The following CSMD3 variants were observed in gnomAD, a reference collection of about 807,000 sequenced individuals.
CSMD3 encodes CUB and Sushi multiple domains 3, also known as CUB and sushi domain-containing protein 3.
CSMD3 carries 177 observed loss-of-function variants against 435.2 expected under a neutral mutation model. The observed-to-expected ratio is 0.41, with a 90% CI of 0.36 to 0.46. CSMD3 has a LOEUF of 0.46. CSMD3 is among the 20% of genes least tolerant of loss of function. The pLI is 0.34. For synonymous variants in CSMD3, 1,656 were observed against 1,520.5 expected (o/e 1.09, Z -2.07); for missense variants, 4,265 against 4,504.6 (o/e 0.95, Z 1.52).
chr8:112,573,700 T>C, intron 23 of CSMD3, 43 bp from the exon 24 acceptor site: 1 of 1,409,378 alleles, frequency 7.1e-7, no homozygotes, highest in Non-Finnish European at 1.0e-6. Flanking sequence ...GTGCCAATAA[T>C]AATCAATTCA....
At chr8:113,388,274 G>C (rs1338322994) in intron 1 of CSMD3, among the ~76,000 whole-genome samples, 1 of 151,452 alleles carries the variant, frequency 6.6e-6, no homozygotes, top group Non-Finnish European at 1.5e-5. Context: ...TCAGCATGAA[G>C]TAAAAAGTGG....
rs942663368 is a variant in CSMD3, at chr8:112,374,748, G to A, written c.6136+5604C>T. Among the ~76,000 whole-genome samples the A allele has an allele frequency of 2.0e-5, 3 of 152,112 alleles. No homozygotes were observed. The East Asian group carries it at 5.8e-4, about 29-fold the overall frequency. On this transcript the variant is annotated intron_variant, in intron 38 of 70. Coordinates refer to ENST00000297405, the MANE Select transcript of CSMD3 (RefSeq NM_198123.2). ...CAACACAATGCTTTAAAAAGTTGCT[G>A]ATTATAATATCGTCTTCTAATAGGT...
At position 112,538,209 on chromosome 8, in the gene CSMD3, G is replaced by C. The variant is rs575146477; in HGVS notation, c.4564+12462C>G. Among the ~76,000 whole-genome samples the C allele has an allele frequency of 5.9e-5, 9 of 152,018 alleles. No individual in the cohort carries two copies. The South Asian group carries it at 1.5e-3, about 25-fold the overall frequency. The stretch of plus-strand genomic sequence containing the variant: ...AGGAATATATCTAAAAATAACAAAG[G>C]CCATATACAACAAACCCACAGCTAA... On this transcript the variant is annotated intron_variant, in intron 27 of 70. Coordinates refer to ENST00000297405, the MANE Select transcript of CSMD3 (RefSeq NM_198123.2).
intron 10 of CSMD3, among the ~76,000 whole-genome samples, chr8:112,895,751 A>T (rs752471876): frequency 1.3e-5 from 2 of 151,498 alleles, no homozygotes; most frequent in Non-Finnish European, 3.0e-5. Context: ...TGATGGTGAG[A>T]CATCCTAGAG....
At chr8:112,956,020 T>C (rs1334652374) in intron 7 of CSMD3, among the ~76,000 whole-genome samples, 1 of 151,998 alleles carries the variant, frequency 6.6e-6, no homozygotes, top group Non-Finnish European at 1.5e-5. Flanking sequence ...TGATGGTTTA[T>C]GTGAATATAA....
At position 113,140,072 on chromosome 8, in the gene CSMD3, C is replaced by T. The variant is rs73342271; in HGVS notation, c.709+33650G>A. Among the ~76,000 whole-genome samples, 1,264 of 151,026 alleles carry T rather than the reference C, an allele frequency of 8.4e-3. 30 individuals carry two copies. The highest frequency in any genetic ancestry group is 0.029 in the African/African-American group (1,197 of 41,362). ...CCCTCTGAGCTGTATTTTTGACTTACAAGATTTTCAACTTACTACGTGTTA... is the reference window on the plus strand; with the variant it reads ...CCCTCTGAGCTGTATTTTTGACTTATAAGATTTTCAACTTACTACGTGTTA... On this transcript the variant is annotated intron_variant, in intron 4 of 70. Transcript: ENST00000297405.
chr8:113,308,258 CTTTTTTTTTTTTTTTTTT>C (rs11440584), intron 2 of CSMD3, among the ~76,000 whole-genome samples: 1 of 64,918 alleles, frequency 1.5e-5, no homozygotes, highest in Non-Finnish European at 2.7e-5. Flanking sequence ...TCATTTAAGT[CTTTTTTTTTTTTTTTTTT>C]TTTTTTTTTT....
At chr8:113,400,329 A>G (rs995235357) in intron 1 of CSMD3, among the ~76,000 whole-genome samples, 2 of 151,910 alleles carry the variant, frequency 1.3e-5, no homozygotes, top group Non-Finnish European at 2.9e-5. Flanking sequence ...TCCAGAATTT[A>G]ACAGTCTCCA....
chr8:112,316,047 A>G (rs1822427380), intron 47 of CSMD3, among the ~76,000 whole-genome samples: 1 of 151,862 alleles, frequency 6.6e-6, no homozygotes, highest in Admixed American at 6.6e-5. Context: ...GAAAAGAGTA[A>G]CTAACATAGT....
In CSMD3 at chr8:112,311,097, T is replaced by C. The variant is rs770393946; in HGVS notation, c.7766A>G (p.Asn2589Ser). ...YIISQTGGQL[N>S]SVVRWACDRG... is the part of the protein sequence containing the mutation. Reference sequence around the variant, plus strand: ...ATCACAGGCCCAACGGACCACACTGTTAAGCTGCCCACCTGTCTGACTGAT... The same window carrying C: ...ATCACAGGCCCAACGGACCACACTGCTAAGCTGCCCACCTGTCTGACTGAT... The change falls in exon 50 of 71, where the codon AAC becomes AGC. Residue 2589 changes from asparagine (N) to serine (S), a missense_variant. By Grantham distance (46) the Asn-to-Ser change is conservative (BLOSUM62 1). Around this residue, in one of 3 missense-constraint regions of CSMD3, gnomAD observed 3,255 missense variants for 3,380.2 expected, o/e 0.96. Coordinates refer to ENST00000297405, the MANE Select transcript of CSMD3 (RefSeq NM_198123.2). 2.5e-6 allele frequency: 4 copies of C among 1,614,088 alleles called. No individual in the cohort carries two copies. The highest frequency in any genetic ancestry group is 3.4e-6 in the Non-Finnish European group (4 of 1,179,976).
At chr8:113,062,168 T>G (rs1301436330) in intron 5 of CSMD3, among the ~76,000 whole-genome samples, 4 of 151,846 alleles carry the variant, frequency 2.6e-5, no homozygotes, top group Admixed American at 6.6e-5. Flanking sequence ...TCCTTAAGTT[T>G]TCTCTAAGCA....
intron 45 of CSMD3, among the ~76,000 whole-genome samples, chr8:112,334,710 T>C (rs1282084053): frequency 6.6e-6 from 1 of 152,204 alleles, no homozygotes; most frequent in Non-Finnish European, 1.5e-5. Flanking sequence ...TGAAACCTTC[T>C]GAATGTCCTT....
chr8:112,790,299 C>T (rs776801282), intron 13 of CSMD3, among the ~76,000 whole-genome samples: 8 of 150,564 alleles, frequency 5.3e-5, no homozygotes, highest in Non-Finnish European at 1.2e-4. Flanking sequence ...TGGGATTCTA[C>T]AAATGGTAGG....
In CSMD3 at chr8:112,747,008, C is replaced by T. The variant is rs549748319; in HGVS notation, c.1972+53154G>A. On this transcript the variant is annotated intron_variant, in intron 13 of 70. Transcript: ENST00000297405. ...CCAAGGAAATTTTATTTTACTCCATCGCAGGCATTCATTTACATGCTCAAA... is the reference window on the plus strand; with the variant it reads ...CCAAGGAAATTTTATTTTACTCCATTGCAGGCATTCATTTACATGCTCAAA... Among the ~76,000 whole-genome samples the T allele has an allele frequency of 5.3e-5, 8 of 152,076 alleles. No individual in the cohort carries two copies. In the South Asian group the frequency reaches 1.0e-3, roughly 20 times the overall value.
At chr8:112,916,148 T>C (rs1237848914) in intron 10 of CSMD3, among the ~76,000 whole-genome samples, 1 of 151,878 alleles carries the variant, frequency 6.6e-6, no homozygotes, top group Non-Finnish European at 1.5e-5. Context: ...TTTCCTGCTA[T>C]GTACCAAAAC....
At chr8:112,337,857 T>C in intron 42 of CSMD3, 126 bp from the exon 43 acceptor site, 2 of 641,224 alleles carry the variant, frequency 3.1e-6, no homozygotes, top group Non-Finnish European at 5.5e-6. Flanking sequence ...TAAATAGCAA[T>C]TCAGGTTTAT....
At position 112,287,127 on chromosome 8, in the gene CSMD3, C is replaced by A. The variant is rs2130634317; in HGVS notation, c.9268G>T (p.Gly3090Cys). 2 of 1,613,742 alleles carry A rather than the reference C, an allele frequency of 1.2e-6. No individual in the cohort carries two copies. The highest frequency in any genetic ancestry group is 1.7e-6 in the Non-Finnish European group (2 of 1,179,824). ...YACDTGYILH[G>C]SEERTCLANG... ...GCTAAACATGTTCTTTCTTCTGAGC[C>A]ATGAAGGATGTAACCAGTATCACAA... The change falls in exon 58 of 71, where the codon GGC becomes TGC. Residue 3090 changes from glycine (G) to cysteine (C), a missense_variant. By Grantham distance (159) the Gly-to-Cys change is radical. Around this residue, in one of 3 missense-constraint regions of CSMD3, gnomAD observed 3,255 missense variants for 3,380.2 expected, o/e 0.96. Transcript: ENST00000297405.
At position 112,476,491 on chromosome 8, in the gene CSMD3, T is replaced by A. The variant is rs563356104; in HGVS notation, c.5279-3784A>T. Among the ~76,000 whole-genome samples, 4 of 152,294 alleles carry A rather than the reference T, an allele frequency of 2.6e-5. No homozygotes were observed. In the East Asian group the frequency reaches 7.7e-4, roughly 29 times the overall value. On this transcript the variant is annotated intron_variant, in intron 31 of 70. Transcript: ENST00000297405. Reference sequence around the variant, plus strand: ...AATATCATGCTATTTCTCACAAACTTATTTGACCATGAAAAATTTTTTTAC... The same window carrying A: ...AATATCATGCTATTTCTCACAAACTAATTTGACCATGAAAAATTTTTTTAC...
chr8:112,942,972 A>G (rs1303342350), intron 9 of CSMD3, among the ~76,000 whole-genome samples: 1 of 151,684 alleles, frequency 6.6e-6, no homozygotes, highest in African/African-American at 2.4e-5. Flanking sequence ...CTGTTGTTTT[A>G]CTTTCTCGGC....
Sources: allele counts gnomAD v4.1 joint callset (sites outside exome capture counted in the v4.1 genomes callset), GRCh38; gene constraint gnomAD v4.1.1; regional missense constraint gnomAD v4.1.1; transcripts MANE v1.5; gene names NCBI Gene and HGNC (gene_info 2026-07-23, HGNC 2026-07-21).